The following TMEM196 variants were observed in gnomAD, a reference collection of about 807,000 sequenced individuals.
TMEM196 encodes transmembrane protein 196.
A neutral mutation model predicts 20.0 loss-of-function variants in TMEM196; 17 were observed. The ratio of observed to expected loss-of-function variants is 0.85; its 90% CI spans 0.58 to 1.27. The LOEUF is 1.27. Among genes scored for constraint, TMEM196 ranks in the 50% most tolerant of loss-of-function variants. The probability of loss-of-function intolerance (pLI) is 0.00; values close to 1 mark genes in which losing one functional copy is unlikely to be tolerated. For missense variants in TMEM196, 267 were observed against 223.0 expected (o/e 1.20, Z -1.26); for synonymous variants, 113 against 88.9 (o/e 1.27, Z -1.52).
At chr7:19,748,512 C>G (rs983661523) in intron 1 of TMEM196, among the ~76,000 whole-genome samples, 3 of 152,092 alleles carry the variant, frequency 2.0e-5, no homozygotes, top group African/African-American at 7.2e-5. Context: ...GTATACAGCT[C>G]ATAAATGGCA....
At chr7:19,745,874 G>T (rs1018303968) in intron 1 of TMEM196, among the ~76,000 whole-genome samples, 1 of 150,768 alleles carries the variant, frequency 6.6e-6, no homozygotes, top group African/African-American at 2.4e-5. Flanking sequence ...TAAAAATTAT[G>T]GTCTTTTGGC....
At chr7:19,749,282 A>G (rs1029248624) in intron 1 of TMEM196, among the ~76,000 whole-genome samples, 3 of 152,192 alleles carry the variant, frequency 2.0e-5, no homozygotes, top group Non-Finnish European at 4.4e-5. Context: ...CGTGATACGG[A>G]GAGAGCCAAT....
rs192384838 is a variant in TMEM196, at chr7:19,772,960, A to T, written c.-264T>A. 6.4e-5 allele frequency: 21 copies of T among 329,756 alleles called. No individual in the cohort carries two copies. Among genetic ancestry groups the T allele is most frequent in the African/African-American group, 4.4e-4 (21 of 47,314 alleles). The allele number at this position is 329,756 out of a possible 1,614,324, so 20.4% of individuals were successfully genotyped here. On this transcript the variant is annotated 5_prime_UTR_variant, in exon 1 of 5. Transcript: ENST00000405844. Reference sequence around the variant, plus strand: ...TCTTCCTGGGTTCGGTGGTGCGAAGATTGCACACCGGTACCGGGGCTTTTA... The same window carrying T: ...TCTTCCTGGGTTCGGTGGTGCGAAGTTTGCACACCGGTACCGGGGCTTTTA...
Position 19,759,641 on chromosome 7 carries a change from C to T in TMEM196, c.147+12909G>A, listed in dbSNP as rs565794205. ...CCTACACCAGACACACACACATGCACGCACACACACGCAGGCACACACACA... is the reference window on the plus strand; with the variant it reads ...CCTACACCAGACACACACACATGCATGCACACACACGCAGGCACACACACA... On this transcript the variant is annotated intron_variant, in intron 1 of 4. Transcript: ENST00000405844. Among the ~76,000 whole-genome samples, 629 of 152,102 alleles carry T rather than the reference C, an allele frequency of 4.1e-3. 6 individuals carry two copies. The highest frequency in any genetic ancestry group is 0.013 in the African/African-American group (547 of 41,488).
chr7:19,758,104 A>C (rs17355512), intron 1 of TMEM196, among the ~76,000 whole-genome samples: 3,326 of 152,254 alleles, frequency 0.022, 45 homozygotes, highest in Non-Finnish European at 0.034. Context: ...TTCCAGTCCA[A>C]AGTTTTGAAT....
At chr7:19,751,721 C>A (rs926455408) in intron 1 of TMEM196, among the ~76,000 whole-genome samples, 8 of 152,074 alleles carry the variant, frequency 5.3e-5, no homozygotes. Context: ...TGGGTACAGA[C>A]CAGTGTCAGA....
intron 1 of TMEM196, among the ~76,000 whole-genome samples, chr7:19,766,908 C>T (rs1484000662): frequency 1.3e-5 from 2 of 151,988 alleles, no homozygotes; most frequent in Non-Finnish European, 2.9e-5. Context: ...ATAATTAAGG[C>T]AATACAGAGA....
chr7:19,744,412 A>G (rs1784679081), intron 1 of TMEM196, among the ~76,000 whole-genome samples: 1 of 152,182 alleles, frequency 6.6e-6, no homozygotes, highest in Admixed American at 6.5e-5. Flanking sequence ...CTGGTTCTTA[A>G]AGAAGCAAAA....
chr7:19,740,521 T>C (rs1007433151), intron 1 of TMEM196, among the ~76,000 whole-genome samples: 21 of 152,188 alleles, frequency 1.4e-4, no homozygotes, highest in African/African-American at 4.6e-4. Context: ...GGCAAAATTA[T>C]GATGTAAATA....
At chr7:19,760,954 T>C (rs1785411693) in intron 1 of TMEM196, among the ~76,000 whole-genome samples, 3 of 152,210 alleles carry the variant, frequency 2.0e-5, no homozygotes, top group Admixed American at 2.0e-4. Flanking sequence ...CACCACGCTG[T>C]CTTTTCCTCT....
intron 1 of TMEM196, among the ~76,000 whole-genome samples, chr7:19,746,257 T>G (rs1784745952): frequency 6.6e-6 from 1 of 152,154 alleles, no homozygotes; most frequent in Admixed American, 6.5e-5. Context: ...ATAACATAAA[T>G]GAGGTCCGTT....
At chr7:19,748,170 C>T (rs571953645) in intron 1 of TMEM196, among the ~76,000 whole-genome samples, 7 of 140,410 alleles carry the variant, frequency 5.0e-5, no homozygotes, top group Middle Eastern at 8.1e-3. Context: ...AAAATCCTTG[C>T]GTTTTCCTTT....
At chr7:19,759,832 T>A (rs1785364800) in intron 1 of TMEM196, among the ~76,000 whole-genome samples, 1 of 152,184 alleles carries the variant, frequency 6.6e-6, no homozygotes, top group Non-Finnish European at 1.5e-5. Context: ...AGTAACTATC[T>A]GTGCTTCTAT....
intron 1 of TMEM196, among the ~76,000 whole-genome samples, chr7:19,746,140 A>G (rs1424816748): frequency 6.6e-6 from 1 of 152,198 alleles, no homozygotes; most frequent in Non-Finnish European, 1.5e-5. Flanking sequence ...TCTAAATGCT[A>G]GCTCCAAGAA....
intron 2 of TMEM196, among the ~76,000 whole-genome samples, chr7:19,728,629 G>T (rs1784081381): frequency 6.6e-6 from 1 of 152,104 alleles, no homozygotes; most frequent in South Asian, 2.1e-4. Flanking sequence ...ACTTCCTAGG[G>T]TCCCTGTGTA....
intron 1 of TMEM196, among the ~76,000 whole-genome samples, chr7:19,762,504 A>T: frequency 6.6e-6 from 1 of 152,242 alleles, no homozygotes; most frequent in South Asian, 2.1e-4. Context: ...TAACAATTTA[A>T]TAAGTGTATT....
At chr7:19,768,938 G>C (rs1000736705) in intron 1 of TMEM196, among the ~76,000 whole-genome samples, 1 of 151,612 alleles carries the variant, frequency 6.6e-6, no homozygotes, top group Non-Finnish European at 1.5e-5. Flanking sequence ...CCATATTCGG[G>C]GCCAAAAAAT....
intron 1 of TMEM196, among the ~76,000 whole-genome samples, chr7:19,751,730 G>A (rs1784969146): frequency 1.3e-5 from 2 of 152,150 alleles, no homozygotes; most frequent in African/African-American, 4.8e-5. Context: ...ACCAGTGTCA[G>A]AATTCCTAAC....
chr7:19,770,199 A>G (rs750390904), intron 1 of TMEM196, among the ~76,000 whole-genome samples: 4 of 151,982 alleles, frequency 2.6e-5, no homozygotes, highest in Admixed American at 2.0e-4. Flanking sequence ...TTGCCTCCGT[A>G]TCTCTCTGAA....
Sources: allele counts gnomAD v4.1 joint callset (sites outside exome capture counted in the v4.1 genomes callset), GRCh38; gene constraint gnomAD v4.1.1; transcripts MANE v1.5; gene names NCBI Gene and HGNC (gene_info 2026-07-23, HGNC 2026-07-21).